The following PLXNA4 variants were observed in gnomAD, a reference collection of about 807,000 sequenced individuals.
PLXNA4 encodes the protein plexin-A4.
In PLXNA4, 44 loss-of-function variants were observed where a neutral mutation model predicts 191.8. The observed-to-expected ratio is 0.23, with a 90% confidence interval of 0.18 to 0.29. The LOEUF (loss-of-function observed/expected upper bound fraction) is 0.29. Ranked by LOEUF, PLXNA4 falls within the 10% of genes least tolerant of loss-of-function variation. The probability of loss-of-function intolerance (pLI) is 1.00; values close to 1 mark genes in which losing one functional copy is unlikely to be tolerated. For missense variants in PLXNA4, 1,800 were observed against 2,488.8 expected (o/e 0.72, Z 5.89); for synonymous variants, 1,082 against 1,009.5 (o/e 1.07, Z -1.36).
chr7:132,459,582 G>T (rs975266280), intron 3 of PLXNA4, among the ~76,000 whole-genome samples: 6 of 152,048 alleles, frequency 3.9e-5, no homozygotes, highest in African/African-American at 1.2e-4. Flanking sequence ...TATTTCCCTC[G>T]GGCATTTTCA....
chr7:132,456,293 G>C (rs1354913915), intron 3 of PLXNA4, among the ~76,000 whole-genome samples: 14 of 151,970 alleles, frequency 9.2e-5, no homozygotes, highest in Admixed American at 9.2e-4. Flanking sequence ...TTATATTTTA[G>C]TAGAGACAGG....
intron 1 of PLXNA4, among the ~76,000 whole-genome samples, chr7:132,540,789 T>A (rs1030100740): frequency 6.6e-6 from 1 of 151,512 alleles, no homozygotes. Context: ...GTGTTTCACC[T>A]TGTTAGCCAG....
In PLXNA4 at chr7:132,147,922, G is replaced by A; in HGVS notation, c.4842C>T (p.Ser1614=). 1.2e-6 allele frequency: 2 copies of A among 1,614,140 alleles called. No homozygotes were observed. The highest frequency in any genetic ancestry group is 1.7e-6 in the Non-Finnish European group (2 of 1,180,024). ...TACCATATTTACTTGCTGAGGTCCT[G>A]GAGACGGTGGAGTTGTTCACTGCGT... ...AYNAVNNSTV[S]RTSASKYENM... The change falls in exon 27 of 32, where the codon TCC becomes TCT. Residue 1614 remains serine, a synonymous_variant. Transcript: ENST00000321063.
At chr7:132,463,098 C>T (rs182068157) in intron 3 of PLXNA4, among the ~76,000 whole-genome samples, 4 of 152,162 alleles carry the variant, frequency 2.6e-5, no homozygotes, top group Admixed American at 2.0e-4. Context: ...GATCCACCCC[C>T]CTTCAGCCTC....
At chr7:132,570,965 G>C (rs1177464762) in intron 1 of PLXNA4, among the ~76,000 whole-genome samples, 1 of 152,206 alleles carries the variant, frequency 6.6e-6, no homozygotes, top group East Asian at 1.9e-4. Flanking sequence ...TGCTGCCTCA[G>C]AGGGGAGGTG....
rs572885090 is a variant in PLXNA4 at position 132,202,713 on chromosome 7, G to T, written c.2519C>A (p.Ala840Asp). The change falls in exon 12 of 32, where the codon GCC (alanine) becomes GAC (aspartate). Residue 840 changes from alanine to aspartate, a missense_variant. Coordinates refer to ENST00000321063, the MANE Select transcript of PLXNA4 (RefSeq NM_020911.2). ...GQCTLRQHCP[A>D]QESQWLELSG... The stretch of plus-strand genomic sequence containing the variant: ...CAGCTCCAGCCACTGGCTCTCCTGG[G>T]CAGGGCAGTGCTGGCGCAGGGTGCA... The T allele has an allele frequency of 3.1e-6, 5 of 1,602,990 alleles. No individual in the cohort carries two copies. Among genetic ancestry groups the T allele is most frequent in the Non-Finnish European group, 4.3e-6 (5 of 1,174,258 alleles).
chr7:132,256,843 T>C (rs968463499), intron 4 of PLXNA4, among the ~76,000 whole-genome samples: 1 of 152,102 alleles, frequency 6.6e-6, no homozygotes, highest in Non-Finnish European at 1.5e-5. Context: ...TGCCCTGGAA[T>C]CTGAGTGATA....
At chr7:132,526,167 A>G (rs1285457491) in intron 1 of PLXNA4, among the ~76,000 whole-genome samples, 3 of 152,170 alleles carry the variant, frequency 2.0e-5, no homozygotes, top group African/African-American at 7.2e-5. Context: ...TTAGTACTGG[A>G]AGGAAAATCT....
At chr7:132,328,533 T>G (rs776418084) in intron 3 of PLXNA4, among the ~76,000 whole-genome samples, 1 of 152,140 alleles carries the variant, frequency 6.6e-6, no homozygotes, top group East Asian at 1.9e-4. Context: ...GATGTAAGAA[T>G]CAGAGGGCCT....
intron 2 of PLXNA4, among the ~76,000 whole-genome samples, chr7:132,611,911 G>T (rs1725855803): frequency 6.6e-6 from 1 of 152,036 alleles, no homozygotes; most frequent in Non-Finnish European, 1.5e-5. Context: ...AAAGAGTCCA[G>T]GGGCTCCATG....
intron 3 of PLXNA4, among the ~76,000 whole-genome samples, chr7:132,342,346 A>G (rs1803062260): frequency 6.6e-6 from 1 of 151,636 alleles, no homozygotes; most frequent in Non-Finnish European, 1.5e-5. Flanking sequence ...TTAGTCCAAT[A>G]AAGGTTCTGT....
intron 31 of PLXNA4, among the ~76,000 whole-genome samples, chr7:132,132,445 C>CTGTTCTGTTCTGTTCTG (rs1794973484): frequency 5.8e-5 from 3 of 51,604 alleles, no homozygotes; most frequent in Non-Finnish European, 1.1e-4. Context: ...CTGTTCTGTT[C>CTGTTCTGTTCTGTTCTG]TGTTCTGTTC....
At position 132,148,595 on chromosome 7, in the gene PLXNA4, G is replaced by A. The variant is rs1202522536; in HGVS notation, c.4712C>T (p.Thr1571Ile). ...CTTCCAATCATTCTCAATCTTGGTG[G>A]TGATGTCTTCATCCTGCAAGATCAT... ...ARMILQDEDI[T>I]TKIENDWKRL... The change falls in exon 26 of 32, where the codon ACC becomes ATC. Residue 1571 changes from threonine to isoleucine, a missense_variant. Physicochemically the swap from Thr to Ile is moderately conservative, Grantham distance 89 (BLOSUM62 -1). Around this residue, in one of 6 missense-constraint regions of PLXNA4, gnomAD observed 214 missense variants for 298.2 expected, o/e 0.72. Coordinates refer to ENST00000321063, the MANE Select transcript of PLXNA4 (RefSeq NM_020911.2). 1.9e-6 allele frequency: 3 copies of A among 1,614,000 alleles called. No homozygotes were observed. Among genetic ancestry groups the A allele is most frequent in the Non-Finnish European group, 1.7e-6 (2 of 1,180,028 alleles).
intron 24 of PLXNA4, among the ~76,000 whole-genome samples, chr7:132,160,939 C>G (rs1562889807): frequency 6.7e-6 from 1 of 148,988 alleles, no homozygotes; most frequent in Non-Finnish European, 1.5e-5. Flanking sequence ...AAAAAAACCC[C>G]TGAAATCTAT....
Position 132,647,145 on chromosome 7 carries a change from GCAGTCA to G in PLXNA4, c.-202-1108_-202-1103del, listed in dbSNP as rs560377672. 7.0e-4 allele frequency among the ~76,000 whole-genome samples: 88 copies of G among 124,826 alleles called. 1 individual carries two copies. The highest frequency in any genetic ancestry group is 2.5e-3 in the African/African-American group (81 of 32,482). The allele number at this position is 124,826 out of a possible 152,430, so 81.9% of individuals were successfully genotyped here. On this transcript the variant is annotated intron_variant, in intron 1 of 4. Transcript: ENST00000378539. ...CACACATACACTGACTTACACACAT[GCAGTCA>G]CACATATATATACATTCACAAACCC...
intron 2 of PLXNA4, among the ~76,000 whole-genome samples, chr7:132,632,097 G>A (rs562842376): frequency 2.6e-5 from 4 of 152,154 alleles, no homozygotes; most frequent in East Asian, 1.9e-4. Flanking sequence ...TTAGTCAGGC[G>A]TGGTGGCACA....
chr7:132,177,769 CG>C (rs1562900216), intron 20 of PLXNA4, among the ~76,000 whole-genome samples: 1 of 152,056 alleles, frequency 6.6e-6, no homozygotes, highest in Non-Finnish European at 1.5e-5. Context: ...GAGTACATTG[CG>C]GAGAAAAAAA....
intron 8 of PLXNA4, among the ~76,000 whole-genome samples, chr7:132,223,896 A>G (rs1041263278): frequency 2.0e-5 from 3 of 152,082 alleles, no homozygotes; most frequent in Non-Finnish European, 1.5e-5. Flanking sequence ...GCCCTCCTCC[A>G]TCTCCATGGG....
chr7:132,349,183 C>T lies in PLXNA4; in HGVS notation c.1372-50961G>A, dbSNP rs574041252. 6.5e-3 allele frequency among the ~76,000 whole-genome samples: 990 copies of T among 152,220 alleles called. 9 individuals carry two copies. Among genetic ancestry groups the T allele is most frequent in the Non-Finnish European group, 0.01 (712 of 68,006 alleles). ...AAATAAATAAAAGGGTTATTGAGCT[C>T]TTTTTTCCCCTCCCTTTCTTTTAAC... On this transcript the variant is annotated intron_variant, in intron 3 of 31. Transcript: ENST00000321063.
Sources: allele counts gnomAD v4.1 joint callset (sites outside exome capture counted in the v4.1 genomes callset), GRCh38; gene constraint gnomAD v4.1.1; regional missense constraint gnomAD v4.1.1; transcripts MANE v1.5; gene names NCBI Gene and HGNC (gene_info 2026-07-23, HGNC 2026-07-21).